CMYA5: variants seen among roughly 807,000 people sequenced by gnomAD.
CMYA5 encodes cardiomyopathy associated 5.
In CMYA5, 246 loss-of-function variants were observed where a neutral mutation model predicts 318.9. The ratio of observed to expected loss-of-function variants is 0.77; its 90% CI spans 0.70 to 0.86. The LOEUF is 0.86. CMYA5 is among the 40% of genes least tolerant of loss of function. The probability of loss-of-function intolerance (pLI) is 0.00; values close to 1 mark genes in which losing one functional copy is unlikely to be tolerated. For synonymous variants in CMYA5, 1,641 were observed against 1,729.5 expected (o/e 0.95, Z 1.27); for missense variants, 4,589 against 4,678.2 (o/e 0.98, Z 0.56).
rs1827555716 is a variant in CMYA5, at chr5:79,718,164, G to A, written c.150-10751G>A. ...GGCCTCCCAAAGTGCTGGGATTACA[G>A]GTGTGAGCCACCGCACCCGGCCAGC... On this transcript the variant is annotated intron_variant, in intron 1 of 12. Transcript: ENST00000446378. 1.3e-5 allele frequency among the ~76,000 whole-genome samples: 2 copies of A among 150,550 alleles called. 1 individual carries two copies. The highest frequency in any genetic ancestry group is 3.0e-5 in the Non-Finnish European group (2 of 67,742).
chr5:79,778,937 A>T (rs1829001446), intron 9 of CMYA5, among the ~76,000 whole-genome samples: 4 of 114,598 alleles, frequency 3.5e-5, no homozygotes, highest in Admixed American at 9.1e-5. Flanking sequence ...TTATACTCTA[A>T]GTTTTAGGGT....
At position 79,734,600 on chromosome 5, in the gene CMYA5, G is replaced by A; in HGVS notation, c.5835G>A (p.Gln1945=). ...ACCATACATGTGAAGTGAGAAAGCA[G>A]GTCCTGCCGCATTCTGCTGAAGAAT... ...SKDHTCEVRK[Q]VLPHSAEESH... The change falls in exon 2 of 13, where the codon CAG becomes CAA. Residue 1945 remains glutamine, a synonymous_variant. Coordinates refer to ENST00000446378, the MANE Select transcript of CMYA5 (RefSeq NM_153610.5). The A allele has an allele frequency of 6.2e-7, 1 of 1,613,852 alleles. No individual in the cohort carries two copies. Among genetic ancestry groups the A allele is most frequent in the Non-Finnish European group, 8.5e-7 (1 of 1,179,824 alleles).
rs745510942 is a variant in CMYA5 at position 79,739,351 on chromosome 5, C to T, written c.10586C>T (p.Thr3529Ile). The change falls in exon 2 of 13, where the codon ACC becomes ATC. Residue 3529 changes from threonine to isoleucine, a missense_variant. Transcript: ENST00000446378. Reference sequence around the variant, plus strand: ...TCTGCCACTGACAAGGTGTTTGGCACCCACAAAGACCATGAAGTTTCAACG... The same window carrying T: ...TCTGCCACTGACAAGGTGTTTGGCATCCACAAAGACCATGAAGTTTCAACG... The part of the protein sequence containing the change: ...PISATDKVFG[T>I]HKDHEVSTLD... 5.1e-6 allele frequency: 8 copies of T among 1,564,860 alleles called. No homozygotes were observed. The highest frequency in any genetic ancestry group is 6.9e-6 in the Non-Finnish European group (8 of 1,155,280).
chr5:79,737,172 A>C lies in CMYA5; in HGVS notation c.8407A>C (p.Lys2803Gln). The change falls in exon 2 of 13, where the codon AAG becomes CAG. Residue 2803 changes from lysine to glutamine, a missense_variant. Lys to Gln is a moderately conservative substitution (Grantham distance 53). This residue lies in a region of CMYA5 where 2,431 missense variants were observed against 2,495.1 expected (regional missense o/e 0.97). Transcript: ENST00000446378. ...TTTAGCTCGTCCTTTTGATGAAACT[A>C]AGAGCTCAGAAACACCGCCATATTT... ...RTLARPFDET[K>Q]SSETPPYLLS... 6.2e-7 allele frequency: 1 copy of C among 1,613,084 alleles called. No homozygotes were observed. The highest frequency in any genetic ancestry group is 1.1e-5 in the South Asian group (1 of 90,980).
At chr5:79,691,540 C>T (rs1826970895) in intron 1 of CMYA5, among the ~76,000 whole-genome samples, 1 of 151,914 alleles carries the variant, frequency 6.6e-6, no homozygotes, top group South Asian at 2.1e-4. Context: ...AAGGTGGACA[C>T]CAGGGAAAGA....
intron 9 of CMYA5, among the ~76,000 whole-genome samples, chr5:79,767,605 G>T (rs1828778487): frequency 6.6e-6 from 1 of 152,178 alleles, no homozygotes; most frequent in African/African-American, 2.4e-5. Context: ...CCATGTAGTT[G>T]TGTGGTTTTG....
At chr5:79,799,299 C>T in intron 12 of CMYA5, 71 bp from the exon 13 acceptor site, 1 of 1,484,866 alleles carries the variant, frequency 6.7e-7, no homozygotes, top group East Asian at 2.3e-5. Context: ...TTGGTTATTC[C>T]CAAGTGACTT....
chr5:79,749,975 T>G (rs571181196), intron 5 of CMYA5, among the ~76,000 whole-genome samples: 1 of 152,008 alleles, frequency 6.6e-6, no homozygotes, highest in African/African-American at 2.4e-5. Context: ...AAATTGTATA[T>G]TGCAGTAAAA....
chr5:79,730,383 C>G lies in CMYA5; in HGVS notation c.1618C>G (p.Pro540Ala), dbSNP rs371334255. 4 of 1,613,714 alleles carry G rather than the reference C, an allele frequency of 2.5e-6. No homozygotes were observed. The highest frequency in any genetic ancestry group is 2.7e-5 in the African/African-American group (2 of 74,904). Reference protein sequence around the residue: ...EIVELDYPESPLVSEKPFPPH... With the variant: ...EIVELDYPESALVSEKPFPPH... ...CGTAGAACTTGATTACCCAGAAAGC[C>G]CATTGGTTTCCGAGAAGCCCTTCCC... Residue 540 changes from proline (P) to alanine (A), a missense_variant, in exon 2 of 13, where the codon CCA becomes GCA. This residue lies in a region of CMYA5 where 2,132 missense variants were observed against 2,131.3 expected (regional missense o/e 1.00). Transcript: ENST00000446378.
chr5:79,752,921 A>C (rs1390179989), intron 6 of CMYA5, 127 bp downstream of exon 6: 2 of 616,936 alleles, frequency 3.2e-6, no homozygotes, highest in East Asian at 2.9e-5. Flanking sequence ...GAAAAGTATT[A>C]GTTGTAAAAT....
At chr5:79,743,598 G>A (rs1162250563) in intron 2 of CMYA5, among the ~76,000 whole-genome samples, 3 of 152,124 alleles carry the variant, frequency 2.0e-5, no homozygotes, top group Non-Finnish European at 4.4e-5. Context: ...AAGATATACT[G>A]TCTTTGTGTA....
chr5:79,730,922 C>A lies in CMYA5; in HGVS notation c.2157C>A (p.Ser719=). The A allele has an allele frequency of 6.2e-7, 1 of 1,613,906 alleles. No homozygotes were observed. Among genetic ancestry groups the A allele is most frequent in the Non-Finnish European group, 8.5e-7 (1 of 1,179,870 alleles). ...TGAAGAAAACAATTGACCGTAAGTC[C>A]CCGTTAATATTGAAAGGTGTTTCTG... ...ESLKKTIDRK[S]PLILKGVSEY... is the part of the protein sequence containing the mutation. Residue 719 remains serine (S), a synonymous_variant, in exon 2 of 13, where the codon TCC becomes TCA. Transcript: ENST00000446378.
Position 79,745,274 on chromosome 5 carries a change from T to A in CMYA5, c.10787T>A (p.Met3596Lys), listed in dbSNP as rs199846871. 26 of 1,611,122 alleles carry A rather than the reference T, an allele frequency of 1.6e-5. No homozygotes were observed. The highest frequency in any genetic ancestry group is 2.2e-5 in the Non-Finnish European group (26 of 1,178,512). ...CTAGAAGAACAGAATGAGGAAATGA[T>A]GAAGAAGGTTTTAGCACAGTATGAT... is the stretch of plus-strand genomic sequence containing the variant. ...KRLEEQNEEM[M>K]KKVLAQYDEK... The change falls in exon 4 of 13, where the codon ATG (methionine) becomes AAG (lysine). Residue 3596 changes from methionine (M) to lysine (K), a missense_variant. Around this residue, in one of 3 missense-constraint regions of CMYA5, gnomAD observed 2,431 missense variants for 2,495.1 expected, o/e 0.97. Coordinates refer to ENST00000446378, the MANE Select transcript of CMYA5 (RefSeq NM_153610.5).
At chr5:79,712,461 C>T (rs1827414066) in intron 1 of CMYA5, among the ~76,000 whole-genome samples, 1 of 152,004 alleles carries the variant, frequency 6.6e-6, no homozygotes, top group African/African-American at 2.4e-5. Flanking sequence ...GATCCACCCT[C>T]CTCAGCCTCC....
chr5:79,722,283 A>G (rs1827654643), intron 1 of CMYA5, among the ~76,000 whole-genome samples: 2 of 152,252 alleles, frequency 1.3e-5, no homozygotes, highest in Admixed American at 6.5e-5. Context: ...AATGCTATAT[A>G]TCAACCTTTA....
chr5:79,774,478 G>A (rs191186802), intron 9 of CMYA5: 1 of 152,314 alleles, frequency 6.6e-6, no homozygotes, highest in African/African-American at 2.4e-5. Context: ...AAGAAGTGTG[G>A]GTGGAGGAGG....
rs1381184170 is a variant in CMYA5 at position 79,737,993 on chromosome 5, A to T, written c.9228A>T (p.Leu3076Phe). ...AAAAACAGAAAGCTCCACAGAAATT[A>T]AATGTTGAAGAGAAACTCTCAAAGG... ...DPEKQKAPQK[L>F]NVEEKLSKEV... The change falls in exon 2 of 13, where the codon TTA (leucine) becomes TTT (phenylalanine). Residue 3076 changes from leucine (L) to phenylalanine (F), a missense_variant. By Grantham distance (22) the Leu-to-Phe change is conservative. Coordinates refer to ENST00000446378, the MANE Select transcript of CMYA5 (RefSeq NM_153610.5). 6.2e-7 allele frequency: 1 copy of T among 1,613,556 alleles called. No individual in the cohort carries two copies. Among genetic ancestry groups the T allele is most frequent in the Non-Finnish European group, 8.5e-7 (1 of 1,179,674 alleles).
At position 79,738,615 on chromosome 5, in the gene CMYA5, G is replaced by C. The variant is rs1282291564; in HGVS notation, c.9850G>C (p.Gly3284Arg). Residue 3284 changes from glycine to arginine, a missense_variant, in exon 2 of 13, where the codon GGA becomes CGA. Physicochemically the swap from Gly to Arg is moderately radical, Grantham distance 125. This residue lies in a region of CMYA5 where 2,431 missense variants were observed against 2,495.1 expected (regional missense o/e 0.97). Coordinates refer to ENST00000446378, the MANE Select transcript of CMYA5 (RefSeq NM_153610.5). ...GATAGCTGCAGAAGGGGAAATTTGGGGAAAGTTTGGAACTATTTGCAGGGA... is the reference window on the plus strand; with the variant it reads ...GATAGCTGCAGAAGGGGAAATTTGGCGAAAGTTTGGAACTATTTGCAGGGA... Reference protein sequence around the residue: ...QPIAAEGEIWGKFGTICREKS... With the variant: ...QPIAAEGEIWRKFGTICREKS... The C allele has an allele frequency of 6.2e-7, 1 of 1,613,808 alleles. No homozygotes were observed. The highest frequency in any genetic ancestry group is 8.5e-7 in the Non-Finnish European group (1 of 1,179,844).
intron 12 of CMYA5, among the ~76,000 whole-genome samples, chr5:79,798,966 T>C (rs901419467): frequency 1.3e-5 from 2 of 152,220 alleles, no homozygotes; most frequent in African/African-American, 2.4e-5. Context: ...AATTAATACA[T>C]TGTATGGAAG....
Sources: gnomAD v4.1 joint callset for allele counts (sites outside exome capture counted in the v4.1 genomes callset) on GRCh38, gnomAD v4.1.1 for gene constraint, gnomAD v4.1.1 regional missense constraint, MANE v1.5 for transcripts, NCBI Gene and HGNC (gene_info 2026-07-23, HGNC 2026-07-21) for gene names.